Variants in GRID2 observed in about 807,000 individuals in gnomAD.
The protein encoded by GRID2 is glutamate receptor ionotropic, delta-2.
In GRID2, 33 loss-of-function variants were observed where a neutral mutation model predicts 114.8. That is an observed-to-expected ratio of 0.29 (90% CI 0.22 to 0.38). The LOEUF is 0.38. Among genes scored for constraint, GRID2 ranks in the 10% least tolerant of loss-of-function variants. The probability of loss-of-function intolerance (pLI) is 1.00; values close to 1 mark genes in which losing one functional copy is unlikely to be tolerated. For missense variants in GRID2, 1,184 were observed against 1,257.7 expected, an observed-to-expected ratio of 0.94 and a Z score of 0.89; for synonymous variants, 505 against 449.9, an observed-to-expected ratio of 1.12 and a Z score of -1.55.
intron 8 of GRID2, among the ~76,000 whole-genome samples, chr4:93,392,731 A>G (rs966064419): frequency 1.3e-5 from 2 of 152,040 alleles, no homozygotes; most frequent in African/African-American, 4.8e-5. Context: ...GTTGACTATA[A>G]AGTAGAAATA....
intron 2 of GRID2, among the ~76,000 whole-genome samples, chr4:92,940,154 A>T (rs970674287): frequency 6.9e-6 from 1 of 145,800 alleles, no homozygotes; most frequent in Admixed American, 7.4e-5. Context: ...AATTACCTTG[A>T]GCAGTTTGGC....
At chr4:92,509,405 A>C (rs1724130261) in intron 1 of GRID2, among the ~76,000 whole-genome samples, 1 of 151,876 alleles carries the variant, frequency 6.6e-6, no homozygotes, top group South Asian at 2.1e-4. Flanking sequence ...CACTATTCTC[A>C]CTTTTTAAAA....
intron 4 of GRID2, among the ~76,000 whole-genome samples, chr4:93,133,140 G>GCA (rs1218872718): frequency 1.3e-5 from 2 of 151,984 alleles, no homozygotes; most frequent in African/African-American, 2.4e-5. Context: ...GCTCTTGCAT[G>GCA]CACGTTCTCG....
Position 92,924,282 on chromosome 4 carries a change from G to A in GRID2, c.245-160713G>A, listed in dbSNP as rs567745018. 7.2e-5 allele frequency among the ~76,000 whole-genome samples: 11 copies of A among 152,128 alleles called. No homozygotes were observed. In the East Asian group the frequency reaches 2.1e-3, roughly 29 times the overall value. ...GAGGAGTGGGGAGGGATAGCATTAG[G>A]AGAAATAGCTAATGTTAAATGACGA... On this transcript the variant is annotated intron_variant, in intron 2 of 15. Transcript: ENST00000282020.
chr4:93,151,901 T>C (rs1736773682), intron 4 of GRID2, among the ~76,000 whole-genome samples: 1 of 152,166 alleles, frequency 6.6e-6, no homozygotes, highest in Admixed American at 6.6e-5. Context: ...AAATTCTTAA[T>C]TTAAATTTAA....
chr4:92,589,692 ATAAAT>A (rs142103444), intron 1 of GRID2, among the ~76,000 whole-genome samples: 1,765 of 152,314 alleles, frequency 0.012, 28 homozygotes, highest in African/African-American at 0.04. Context: ...GAAATGAAAA[ATAAAT>A]TAAGATCGCA....
intron 13 of GRID2, among the ~76,000 whole-genome samples, chr4:93,538,587 T>G (rs1732339835): frequency 6.6e-6 from 1 of 151,704 alleles, no homozygotes; most frequent in African/African-American, 2.4e-5. Context: ...TGACAAACAC[T>G]ACCTTGATCA....
intron 1 of GRID2, among the ~76,000 whole-genome samples, chr4:92,528,344 TAATTA>T (rs928079580): frequency 8.0e-5 from 12 of 150,760 alleles, no homozygotes; most frequent in Non-Finnish European, 1.5e-4. Context: ...ACATATATAG[TAATTA>T]TGTAATTTAG....
chr4:92,607,714 A>T lies in GRID2; in HGVS notation c.244+17428A>T, dbSNP rs1729526495. On this transcript the variant is annotated intron_variant, in intron 2 of 15. Coordinates refer to ENST00000282020, the MANE Select transcript of GRID2 (RefSeq NM_001510.4). ...AGAAGAGTAGGAAAGGTCTTACAAG[A>T]TGTGATCAGTATAATAAGGTTCTCA... Among the ~76,000 whole-genome samples the T allele has an allele frequency of 3.3e-5, 5 of 151,988 alleles. No individual in the cohort carries two copies. The South Asian group carries it at 1.0e-3, about 32-fold the overall frequency.
chr4:93,300,399 T>A (rs763774808), intron 8 of GRID2, among the ~76,000 whole-genome samples: 2 of 152,182 alleles, frequency 1.3e-5, no homozygotes, highest in Non-Finnish European at 2.9e-5. Flanking sequence ...TCAAGGACAT[T>A]CTTAAGTGAA....
At chr4:92,943,435 C>T (rs191614065) in intron 2 of GRID2, among the ~76,000 whole-genome samples, 43 of 152,182 alleles carry the variant, frequency 2.8e-4, no homozygotes, top group African/African-American at 8.7e-4. Flanking sequence ...TCCATCAGGT[C>T]GTTTAAAGAC....
chr4:93,596,859 A>G (rs986896366), intron 13 of GRID2, among the ~76,000 whole-genome samples: 2 of 152,224 alleles, frequency 1.3e-5, no homozygotes, highest in African/African-American at 4.8e-5. Flanking sequence ...ATACAATATA[A>G]TTGATTTAAT....
intron 2 of GRID2, among the ~76,000 whole-genome samples, chr4:92,804,785 A>G (rs1740334722): frequency 1.3e-5 from 2 of 152,186 alleles, no homozygotes; most frequent in South Asian, 4.1e-4. Flanking sequence ...TTTCTAGTTT[A>G]TTCATAAGTG....
chr4:92,855,729 C>T (rs1030443482), intron 2 of GRID2, among the ~76,000 whole-genome samples: 1 of 151,966 alleles, frequency 6.6e-6, no homozygotes, highest in Non-Finnish European at 1.5e-5. Context: ...CCTTTTTAGT[C>T]TTAAGAACTG....
intron 14 of GRID2, among the ~76,000 whole-genome samples, chr4:93,728,181 T>C (rs1730122871): frequency 6.6e-6 from 1 of 152,194 alleles, no homozygotes; most frequent in Non-Finnish European, 1.5e-5. Flanking sequence ...TTCTGGTATG[T>C]GGTGTCTTTG....
intron 9 of GRID2, among the ~76,000 whole-genome samples, chr4:93,398,400 C>G (rs550531524): frequency 1.3e-5 from 2 of 151,288 alleles, no homozygotes; most frequent in East Asian, 4.0e-4. Context: ...TAGACGTTAA[C>G]CCCTTCCCTC....
intron 11 of GRID2, among the ~76,000 whole-genome samples, chr4:93,475,562 A>C (rs1725243009): frequency 6.6e-6 from 1 of 152,124 alleles, no homozygotes; most frequent in South Asian, 2.1e-4. Flanking sequence ...TTTATCATTA[A>C]AACTGATTGA....
rs552238934 is a variant in GRID2 at position 93,090,107 on chromosome 4, T to G, written c.529+4828T>G. On this transcript the variant is annotated intron_variant, in intron 3 of 15. Coordinates refer to ENST00000282020, the MANE Select transcript of GRID2 (RefSeq NM_001510.4). ...TACAACGTTGTTGGCTAATAGTAAA[T>G]TTCCCCCGTGAGATTGCCACTCCTC... is the stretch of plus-strand genomic sequence containing the variant. Among the ~76,000 whole-genome samples the G allele has an allele frequency of 6.6e-5, 10 of 152,270 alleles. No homozygotes were observed. In the South Asian group the frequency reaches 2.1e-3, roughly 32 times the overall value.
Position 93,644,648 on chromosome 4 carries a change from C to T in GRID2, c.2360+18213C>T, listed in dbSNP as rs529337017. Among the ~76,000 whole-genome samples, 8 of 152,230 alleles carry T rather than the reference C, an allele frequency of 5.3e-5. No homozygotes were observed. In the East Asian group the frequency reaches 1.5e-3, roughly 29 times the overall value. ...TGAATTTTACTAGTATTAATTTCCT[C>T]TTTTCTGCATGTTTTTAGCAAGTGC... On this transcript the variant is annotated intron_variant, in intron 14 of 15. Coordinates refer to ENST00000282020, the MANE Select transcript of GRID2 (RefSeq NM_001510.4).
Sources: allele counts gnomAD v4.1 joint callset (sites outside exome capture counted in the v4.1 genomes callset), GRCh38; gene constraint gnomAD v4.1.1; transcripts MANE v1.5; gene names NCBI Gene and HGNC (gene_info 2026-07-23, HGNC 2026-07-21).